The following DNAH3 variants were observed in gnomAD, a reference collection of about 807,000 sequenced individuals.
DNAH3 encodes the protein axonemal beta dynein heavy chain 3.
In DNAH3, 332 loss-of-function variants were observed where a neutral mutation model predicts 432.5. The ratio of observed to expected loss-of-function variants is 0.77; its 90% CI spans 0.70 to 0.84. The LOEUF (loss-of-function observed/expected upper bound fraction) is 0.84. Among genes scored for constraint, DNAH3 ranks in the 40% least tolerant of loss-of-function variants. DNAH3 has a pLI of 0.00. For missense variants in DNAH3, 4,861 were observed against 5,114.0 expected, an observed-to-expected ratio of 0.95 and a Z score of 1.51; for synonymous variants, 1,956 against 1,900.2, an observed-to-expected ratio of 1.03 and a Z score of -0.76.
chr16:21,063,650 C>A (rs953920721), intron 24 of DNAH3, among the ~76,000 whole-genome samples: 10 of 152,098 alleles, frequency 6.6e-5, no homozygotes, highest in African/African-American at 2.4e-4. Flanking sequence ...TCAAGCAATT[C>A]TCCCACCTCA....
intron 58 of DNAH3, among the ~76,000 whole-genome samples, chr16:20,943,091 CT>C (rs964376394): frequency 6.6e-6 from 1 of 151,352 alleles, no homozygotes; most frequent in South Asian, 2.1e-4. Flanking sequence ...ACCCAGTTAA[CT>C]TTTTTTAAGA....
chr16:21,155,699 A>G (rs2092893527), intron 1 of DNAH3, among the ~76,000 whole-genome samples: 1 of 151,736 alleles, frequency 6.6e-6, no homozygotes, highest in African/African-American at 2.4e-5. Context: ...TACTTGTACT[A>G]AAAAGTTACC....
chr16:20,987,902 C>T, intron 45 of DNAH3, 40 bp downstream of exon 45: 2 of 1,613,958 alleles, frequency 1.2e-6, no homozygotes, highest in Non-Finnish European at 1.7e-6. Flanking sequence ...AAACTGAGAA[C>T]CCCCAGCCCA....
exon 52 of DNAH3, chr16:20,969,792 C>A (rs752102149): frequency 6.2e-7 from 1 of 1,613,926 alleles, no homozygotes; most frequent in Non-Finnish European, 8.5e-7. Flanking sequence ...TGGCACTTAC[C>A]GGAGCCACTG....
chr16:21,094,044 G>A (rs1260941946), intron 18 of DNAH3, among the ~76,000 whole-genome samples: 1 of 152,032 alleles, frequency 6.6e-6, no homozygotes, highest in African/African-American at 2.4e-5. Flanking sequence ...ATCCATAAAA[G>A]AAAAATTGAT....
At chr16:21,033,899 G>C (rs1157632201) in intron 36 of DNAH3, 75 bp downstream of exon 36, 2 of 995,538 alleles carry the variant, frequency 2.0e-6, no homozygotes, top group Non-Finnish European at 3.1e-6. Flanking sequence ...CTAGCAGCCT[G>C]GCATTATCTC....
intron 25 of DNAH3, 86 bp downstream of exon 25, chr16:21,062,395 TG>T: frequency 9.3e-7 from 1 of 1,078,094 alleles, no homozygotes; most frequent in Non-Finnish European, 1.4e-6. Context: ...CCAGGCAGTC[TG>T]GTGCTTAGTC....
intron 12 of DNAH3, among the ~76,000 whole-genome samples, chr16:21,116,678 T>C (rs936497723): frequency 2.0e-5 from 3 of 152,184 alleles, no homozygotes; most frequent in Admixed American, 6.5e-5. Flanking sequence ...TTAAAGGACA[T>C]GGCCTGTGGG....
intron 42 of DNAH3, 59 bp downstream of exon 42, chr16:21,003,045 A>G: frequency 8.9e-7 from 1 of 1,121,532 alleles, no homozygotes. Context: ...CTTCCACCTG[A>G]GAGAATATTT....
chr16:21,075,372 T>C (rs1235860732), intron 21 of DNAH3, 75 bp downstream of exon 21: 3 of 1,027,666 alleles, frequency 2.9e-6, no homozygotes, highest in African/African-American at 3.1e-5. Flanking sequence ...CCATTCTGAA[T>C]GAATCGTTTC....
At chr16:21,092,197 C>T (rs1477135227) in intron 18 of DNAH3, among the ~76,000 whole-genome samples, 1 of 152,114 alleles carries the variant, frequency 6.6e-6, no homozygotes, top group African/African-American at 2.4e-5. Flanking sequence ...AGGACTGATA[C>T]TAGCCAGCTT....
At chr16:21,146,603 T>C (rs970813689) in intron 1 of DNAH3, among the ~76,000 whole-genome samples, 1 of 152,178 alleles carries the variant, frequency 6.6e-6, no homozygotes, top group African/African-American at 2.4e-5. Context: ...ATCTTTGCAG[T>C]GAGAACACAT....
intron 53 of DNAH3, among the ~76,000 whole-genome samples, chr16:20,960,665 A>C (rs1035876995): frequency 1.3e-5 from 2 of 152,198 alleles, no homozygotes; most frequent in Non-Finnish European, 2.9e-5. Flanking sequence ...AGATCACGCC[A>C]CTGCACTCTG....
chr16:21,157,372 C>T (rs568563493), intron 1 of DNAH3, among the ~76,000 whole-genome samples: 1 of 145,364 alleles, frequency 6.9e-6, no homozygotes. Flanking sequence ...CAGGGTCTCA[C>T]TCTGTTGCCC....
intron 20 of DNAH3, among the ~76,000 whole-genome samples, chr16:21,077,261 C>T (rs1438726401): frequency 6.6e-6 from 1 of 152,126 alleles, no homozygotes; most frequent in African/African-American, 2.4e-5. Context: ...CTCCCGGATT[C>T]AAGCGATTCT....
chr16:20,964,955 C>G, exon 53 of DNAH3: 2 of 1,614,216 alleles, frequency 1.2e-6, no homozygotes, highest in South Asian at 1.1e-5. Context: ...CTGTCCTTCT[C>G]TCCCCCAAGA....
At position 21,050,021 on chromosome 16, in the gene DNAH3, A is replaced by C; in HGVS notation, c.4239-3T>G. On this transcript the variant is annotated splice_region_variant and splice_polypyrimidine_tract_variant and intron_variant, in intron 29 of 61. Coordinates refer to ENST00000261383, the Ensembl canonical transcript of DNAH3. ...GCTTCAAAGCTCCCATCAGTGTCCT[A>C]TGGGGAAGAAAATAGAACTTCAGTG... is the stretch of plus-strand genomic sequence containing the variant. 6.2e-7 allele frequency: 1 copy of C among 1,610,122 alleles called. No homozygotes were observed. The highest frequency in any genetic ancestry group is 1.1e-5 in the South Asian group (1 of 90,798).
intron 41 of DNAH3, among the ~76,000 whole-genome samples, chr16:21,012,006 C>A (rs2087625529): frequency 6.6e-6 from 1 of 151,986 alleles, no homozygotes; most frequent in Non-Finnish European, 1.5e-5. Flanking sequence ...TCAAAGTCAC[C>A]CCAGTATTAA....
intron 28 of DNAH3, 81 bp downstream of exon 28, chr16:21,054,339 C>T (rs1300205200): frequency 2.2e-5 from 24 of 1,070,480 alleles, no homozygotes; most frequent in South Asian, 8.4e-5. Flanking sequence ...TGAATTATTC[C>T]GTCCAGGAGA....
Sources: gnomAD v4.1 joint callset for allele counts (sites outside exome capture counted in the v4.1 genomes callset) on GRCh38, gnomAD v4.1.1 for gene constraint, MANE v1.5 for transcripts, NCBI Gene and HGNC (gene_info 2026-07-23, HGNC 2026-07-21) for gene names.